Variants in TET3 observed in about 807,000 individuals in gnomAD.
TET3 encodes the protein tet methylcytosine dioxygenase 3.
In TET3, 19 loss-of-function variants were observed where a neutral mutation model predicts 141.4. That is an observed-to-expected ratio of 0.13 (90% CI 0.09 to 0.20). TET3 has a LOEUF of 0.20. Among genes scored for constraint, TET3 ranks in the 10% least tolerant of loss-of-function variants. The pLI is 1.00. For missense variants in TET3, 1,874 were observed against 2,356.9 expected, an observed-to-expected ratio of 0.80 and a Z score of 4.24; for synonymous variants, 1,043 against 980.9, an observed-to-expected ratio of 1.06 and a Z score of -1.18.
intron 7 of TET3, 97 bp from the exon 8 acceptor site, chr2:74,089,800 T>G (rs1480397364): frequency 1.3e-6 from 2 of 1,494,686 alleles, no homozygotes; most frequent in Non-Finnish European, 1.8e-6. Flanking sequence ...GGCTGGTGGG[T>G]GCCAGGGCTC....
At chr2:74,055,403 A>G (rs916493387) in intron 4 of TET3, among the ~76,000 whole-genome samples, 12 of 152,276 alleles carry the variant, frequency 7.9e-5, no homozygotes, top group Admixed American at 5.2e-4. Context: ...CATGCTGTAC[A>G]TGGTTTCACA....
intron 3 of TET3, among the ~76,000 whole-genome samples, chr2:74,009,238 A>G (rs1388565828): frequency 6.6e-6 from 1 of 151,986 alleles, no homozygotes. Context: ...CCTGCTGGCC[A>G]CTCTGCAGAT....
chr2:74,011,820 T>C (rs1685449952), intron 3 of TET3, among the ~76,000 whole-genome samples: 1 of 151,832 alleles, frequency 6.6e-6, no homozygotes, highest in African/African-American at 2.4e-5. Flanking sequence ...GGAGGATCAC[T>C]TGAGGTCAGG....
chr2:74,100,015 T>C (rs1255060010), intron 11 of TET3, among the ~76,000 whole-genome samples: 2 of 152,184 alleles, frequency 1.3e-5, no homozygotes, highest in African/African-American at 4.8e-5. Flanking sequence ...TGAGTTCTCA[T>C]TCTCCTGGCC....
At chr2:74,111,587 T>TA (rs1178957727), downstream of TET3, among the ~76,000 whole-genome samples, 4 of 152,178 alleles carry the variant, frequency 2.6e-5, no homozygotes, top group African/African-American at 9.7e-5. Context: ...AAGCCTTAAT[T>TA]ACAGATATGG....
chr2:74,120,222 C>A, the TET3 span, among the ~76,000 whole-genome samples: 1 of 152,238 alleles, frequency 6.6e-6, no homozygotes, highest in African/African-American at 2.4e-5. Context: ...CCCGCCCGCC[C>A]AACCCCGGAG....
chr2:74,031,926 A>G (rs181265865), intron 3 of TET3, among the ~76,000 whole-genome samples: 438 of 152,330 alleles, frequency 2.9e-3, no homozygotes, highest in Non-Finnish European at 5.3e-3. Context: ...ATGGGCATCC[A>G]CTATTGACTC....
chr2:74,129,854 G>C, the TET3 span, among the ~76,000 whole-genome samples: 1 of 152,056 alleles, frequency 6.6e-6, no homozygotes, highest in Non-Finnish European at 1.5e-5. Flanking sequence ...AGCACTTTGG[G>C]AGGCCGAGGT....
At chr2:74,082,304 G>C (rs1217560715) in intron 6 of TET3, among the ~76,000 whole-genome samples, 1 of 152,170 alleles carries the variant, frequency 6.6e-6, no homozygotes, top group Non-Finnish European at 1.5e-5. Context: ...CCTGCAGACT[G>C]GGGCCAGTTC....
At chr2:74,125,000 C>T in the TET3 span, among the ~76,000 whole-genome samples, 9 of 127,426 alleles carry the variant, frequency 7.1e-5, no homozygotes, top group East Asian at 5.6e-4. Context: ...TAATACTACT[C>T]GGAATTTTTT....
intron 4 of TET3, among the ~76,000 whole-genome samples, chr2:74,062,319 AAAT>A (rs1429492411): frequency 6.6e-6 from 1 of 152,268 alleles, no homozygotes; most frequent in African/African-American, 2.4e-5. Context: ...AGATGAATCA[AAAT>A]AATAATAGAT....
chr2:74,026,373 A>AC (rs993711412), intron 3 of TET3, among the ~76,000 whole-genome samples: 14 of 151,688 alleles, frequency 9.2e-5, no homozygotes, highest in African/African-American at 3.1e-4. Context: ...CCTCTCCCCC[A>AC]CCCCAAAACT....
chr2:73,983,655 T>TTTTC (rs996223796), upstream of TET3, among the ~76,000 whole-genome samples: 2 of 152,234 alleles, frequency 1.3e-5, no homozygotes, highest in African/African-American at 4.8e-5. Flanking sequence ...AGTTACTTTT[T>TTTTC]TTTCTTTCTT....
rs1420363149 is a variant in TET3 at position 73,984,949 on chromosome 2, C to G, written c.-633C>G. ...CCTTCATTGCTGCTGCTGCTGCCGCCGCGGCCGCCGCTGCCTCTTCCTTCC... is the reference window on the plus strand; with the variant it reads ...CCTTCATTGCTGCTGCTGCTGCCGCGGCGGCCGCCGCTGCCTCTTCCTTCC... On this transcript the variant is annotated 5_prime_UTR_variant, in exon 1 of 12. Transcript: ENST00000409262. This position sits in a 1 kb window ranked among gnomAD's most constrained non-coding sequence, Gnocchi z 5.6. Among the ~76,000 whole-genome samples, 2 of 146,882 alleles carry G rather than the reference C, an allele frequency of 1.4e-5. No individual in the cohort carries two copies. Among genetic ancestry groups the G allele is most frequent in the East Asian group, 4.0e-4 (2 of 4,974 alleles).
intron 4 of TET3, among the ~76,000 whole-genome samples, chr2:74,065,322 A>G (rs1292578672): frequency 2.6e-5 from 4 of 152,204 alleles, no homozygotes; most frequent in Non-Finnish European, 4.4e-5. Context: ...ATATTTATAT[A>G]TTTAATGAGT....
chr2:74,078,409 CCACT>C (rs1275982864), intron 5 of TET3, among the ~76,000 whole-genome samples: 1 of 151,996 alleles, frequency 6.6e-6, no homozygotes, highest in Non-Finnish European at 1.5e-5. Context: ...TCCATTATAC[CCACT>C]GTCTGTAGCT....
intron 4 of TET3, among the ~76,000 whole-genome samples, chr2:74,058,188 G>T (rs1688313725): frequency 6.6e-6 from 1 of 152,210 alleles, no homozygotes; most frequent in Non-Finnish European, 1.5e-5. Flanking sequence ...GCAGATCGGT[G>T]AGGAAGAGGC....
chr2:73,994,412 A>G (rs747333364), intron 2 of TET3, among the ~76,000 whole-genome samples: 1 of 152,128 alleles, frequency 6.6e-6, no homozygotes, highest in Non-Finnish European at 1.5e-5. Context: ...TAGAAAAAAG[A>G]ATTGTCTAGC....
At chr2:74,129,539 G>A in the TET3 span, among the ~76,000 whole-genome samples, 1 of 151,656 alleles carries the variant, frequency 6.6e-6, no homozygotes, top group Non-Finnish European at 1.5e-5. Flanking sequence ...AGGCTGAGGT[G>A]GGAGAATTGC....
Sources: allele counts gnomAD v4.1 joint callset (sites outside exome capture counted in the v4.1 genomes callset), GRCh38; gene constraint gnomAD v4.1.1; non-coding constraint Gnocchi (gnomAD v3.1); transcripts MANE v1.5; gene names NCBI Gene and HGNC (gene_info 2026-07-23, HGNC 2026-07-21).